The following PER2 variants were observed in gnomAD, a reference collection of about 807,000 sequenced individuals.
The protein encoded by PER2 is period circadian regulator 2.
In PER2, 66 loss-of-function variants were observed where a neutral mutation model predicts 121.0. The ratio of observed to expected loss-of-function variants is 0.55; its 90% CI spans 0.45 to 0.67. The LOEUF is 0.67. Among genes scored for constraint, PER2 ranks in the 30% least tolerant of loss-of-function variants. The pLI is 0.00. For missense variants in PER2, 1,521 were observed against 1,635.0 expected, an observed-to-expected ratio of 0.93 and a Z score of 1.20; for synonymous variants, 684 against 659.9, an observed-to-expected ratio of 1.04 and a Z score of -0.56.
chr2:238,283,542 G>A (rs1319669498), intron 1 of PER2, among the ~76,000 whole-genome samples: 1 of 152,250 alleles, frequency 6.6e-6, no homozygotes, highest in Non-Finnish European at 1.5e-5. Flanking sequence ...CACCTGACCT[G>A]TCTGAGGAAG....
intron 14 of PER2, among the ~76,000 whole-genome samples, chr2:238,259,509 G>C (rs570269481): frequency 1.9e-4 from 29 of 152,372 alleles, no homozygotes; most frequent in African/African-American, 6.5e-4. Context: ...CTTCAGACAG[G>C]TTTGGTTTGA....
intron 12 of PER2, chr2:238,261,316 C>G: frequency 2.5e-6 from 1 of 394,210 alleles, no homozygotes; most frequent in Non-Finnish European, 4.7e-6. Context: ...CAGGCGCCTA[C>G]TCAGGTGTGG....
rs73088942 is a variant in PER2, at chr2:238,275,725, T to C, written c.448+18A>G. ...CATATTTCTATAGGTTTGGAGCAGA[T>C]GTGCGAGGCCGACGTACCTTTCACC... On this transcript the variant is annotated intron_variant, in intron 4 of 22. Transcript: ENST00000254657. 2 of 1,611,730 alleles carry C rather than the reference T, an allele frequency of 1.2e-6. No homozygotes were observed. The highest frequency in any genetic ancestry group is 2.2e-5 in the South Asian group (2 of 91,016).
chr2:238,256,782 A>T, intron 17 of PER2, 140 bp downstream of exon 17: 1 of 903,108 alleles, frequency 1.1e-6, no homozygotes, highest in Non-Finnish European at 1.7e-6. Context: ...CCTGCATTTT[A>T]CGTAACTGGA....
At chr2:238,255,513 C>T (rs1024243762) in intron 18 of PER2, 144 bp downstream of exon 18, 17 of 847,082 alleles carry the variant, frequency 2.0e-5, no homozygotes, top group African/African-American at 6.6e-5. Flanking sequence ...AAACAGATGG[C>T]GTTGCCAGGG....
At chr2:238,279,757 G>T (rs914160496) in intron 1 of PER2, among the ~76,000 whole-genome samples, 14 of 152,308 alleles carry the variant, frequency 9.2e-5, no homozygotes, top group Middle Eastern at 3.4e-3. Context: ...TCATACAATT[G>T]GTCGGGGGGA....
Position 238,253,581 on chromosome 2 carries a change from C to T in PER2, c.2442G>A (p.Gly814=), listed in dbSNP as rs1695676806. ...GCGGGGGCCGGGCGGACACGGGCCCCCCAGATCCGGTGCTCTCAGATGAGT... is the reference window on the plus strand; with the variant it reads ...GCGGGGGCCGGGCGGACACGGGCCCTCCAGATCCGGTGCTCTCAGATGAGT... The part of the protein sequence containing the change: ...PRDSSESTGS[G]GPVSARPPLV... Residue 814 remains glycine, a synonymous_variant, in exon 19 of 23, where the codon GGG becomes GGA. Coordinates refer to ENST00000254657, the MANE Select transcript of PER2 (RefSeq NM_022817.3). The surrounding 1 kb of genome is among the most constrained non-coding windows in gnomAD (Gnocchi z 5.6). 1 of 1,609,852 alleles carries T rather than the reference C, an allele frequency of 6.2e-7. No homozygotes were observed. Among genetic ancestry groups the T allele is most frequent in the Non-Finnish European group, 8.5e-7 (1 of 1,178,308 alleles).
intron 8 of PER2, among the ~76,000 whole-genome samples, chr2:238,266,032 T>C (rs1353829949): frequency 1.1e-4 from 17 of 152,086 alleles, no homozygotes; most frequent in Admixed American, 1.1e-3. Context: ...GCCTCTCCAG[T>C]AGTTGGGACT....
At chr2:238,250,433 A>G (rs1002194878) in intron 21 of PER2, 118 bp downstream of exon 21, 3 of 753,712 alleles carry the variant, frequency 4.0e-6, no homozygotes, top group Admixed American at 2.1e-5. Context: ...GCACTCAGCT[A>G]AATCTAAGTC....
At chr2:238,294,438 G>A (rs757731717), upstream of PER2, among the ~76,000 whole-genome samples, 4 of 152,234 alleles carry the variant, frequency 2.6e-5, no homozygotes, top group Non-Finnish European at 5.9e-5. Context: ...CAAGAATGCA[G>A]GAGCCCGAGT....
At position 238,250,621 on chromosome 2, in the gene PER2, G is replaced by A. The variant is rs1477914105; in HGVS notation, c.3397C>T (p.Gln1133Ter). The change falls in exon 21 of 23, where the codon CAG (glutamine) becomes TAG (stop). Residue 1133 changes from glutamine (Q) to a stop codon, truncating the protein, a stop_gained. Transcript: ENST00000254657. LOFTEE classifies it high-confidence loss of function. ...GCCATCAGCAGCCAGATGGGATCCT[G>A]CAGGACGCACTTAATGAAATGCTCA... Reference protein sequence around the residue: ...ESEHFIKCVLQDPIWLLMADA... With the variant: ...ESEHFIKCVL 1 of 1,613,882 alleles carries A rather than the reference G, an allele frequency of 6.2e-7. No homozygotes were observed.
chr2:238,276,356 C>T lies in PER2; in HGVS notation c.294-459G>A, dbSNP rs866270207. Among the ~76,000 whole-genome samples the T allele has an allele frequency of 2.0e-5, 3 of 152,246 alleles. No individual in the cohort carries two copies. The South Asian group carries it at 6.2e-4, about 32-fold the overall frequency. On this transcript the variant is annotated intron_variant, in intron 3 of 22. Transcript: ENST00000254657. ...CAAATTGTTCCTGGTCAAGAGTCACCGCTCTAACCCAACTGAATGCTGGAG... is the reference window on the plus strand; with the variant it reads ...CAAATTGTTCCTGGTCAAGAGTCACTGCTCTAACCCAACTGAATGCTGGAG...
intron 14 of PER2, 91 bp from the exon 15 acceptor site, chr2:238,258,735 A>G (rs1695838642): frequency 7.7e-7 from 1 of 1,293,168 alleles, no homozygotes; most frequent in Non-Finnish European, 1.1e-6. Flanking sequence ...ACCTGAAGAC[A>G]GGGCTGGGGA....
chr2:238,248,996 A>T, intron 22 of PER2, 66 bp downstream of exon 22: 1 of 1,513,408 alleles, frequency 6.6e-7, no homozygotes, highest in South Asian at 1.1e-5. Flanking sequence ...TTGCAAAGAC[A>T]GTACAGAGAA....
Position 238,253,794 on chromosome 2 carries a change from G to T in PER2, c.2321-92C>A. On this transcript the variant is annotated intron_variant, in intron 18 of 22. Coordinates refer to ENST00000254657, the MANE Select transcript of PER2 (RefSeq NM_022817.3). This position sits in a 1 kb window ranked among gnomAD's most constrained non-coding sequence, Gnocchi z 5.6. ...CAACAGTCCTGGGTTTCCAAATGCT[G>T]GCCCAGGGCCTGCCTGGTCCACCGA... is the stretch of plus-strand genomic sequence containing the variant. 1 of 998,534 alleles carries T rather than the reference G, an allele frequency of 1.0e-6. No homozygotes were observed. Among genetic ancestry groups the T allele is most frequent in the Non-Finnish European group, 1.5e-6 (1 of 657,428 alleles). 61.9% of individuals were successfully genotyped at this position (998,534 alleles called of 1,614,324 possible).
intron 14 of PER2, 114 bp downstream of exon 14, chr2:238,259,855 C>A (rs779050356): frequency 5.9e-6 from 4 of 672,370 alleles, no homozygotes; most frequent in Non-Finnish European, 1.1e-5. Flanking sequence ...GGGTGTGACA[C>A]GGCTACAAGG....
chr2:238,270,582 G>C (rs1296283952), intron 6 of PER2, among the ~76,000 whole-genome samples: 1 of 152,242 alleles, frequency 6.6e-6, no homozygotes, highest in African/African-American at 2.4e-5. Flanking sequence ...TAGCTGGGCA[G>C]GGAGGAGAGC....
At chr2:238,262,419 A>G in intron 10 of PER2, 75 bp from the exon 11 acceptor site, 2 of 1,453,182 alleles carry the variant, frequency 1.4e-6, no homozygotes, top group Non-Finnish European at 1.9e-6. Flanking sequence ...ACAAGTCAAG[A>G]GTCACTCAGG....
chr2:238,258,719 C>A, intron 14 of PER2, 75 bp from the exon 15 acceptor site: 2 of 1,465,040 alleles, frequency 1.4e-6, no homozygotes, highest in South Asian at 1.1e-5. Context: ...AAAGCATTTT[C>A]GTTCTACCTG....
Sources: gnomAD v4.1 joint callset for allele counts (sites outside exome capture counted in the v4.1 genomes callset) on GRCh38, gnomAD v4.1.1 for gene constraint, Gnocchi (gnomAD v3.1) non-coding constraint, MANE v1.5 for transcripts, NCBI Gene and HGNC (gene_info 2026-07-23, HGNC 2026-07-21) for gene names.